Variants in KCNT1 observed in about 807,000 individuals in gnomAD.
KCNT1 encodes potassium channel subfamily T member 1.
In KCNT1, 78 loss-of-function variants were observed where a neutral mutation model predicts 147.8. The ratio of observed to expected loss-of-function variants is 0.53; its 90% CI spans 0.44 to 0.64. The LOEUF is 0.64. Ranked by LOEUF, KCNT1 falls within the 30% of genes least tolerant of loss-of-function variation. The pLI is 0.00. For missense variants in KCNT1, 1,419 were observed against 1,750.3 expected, an observed-to-expected ratio of 0.81 and a Z score of 3.38; for synonymous variants, 867 against 748.8, an observed-to-expected ratio of 1.16 and a Z score of -2.58.
At chr9:135,736,506 C>G (rs897623589) in intron 2 of KCNT1, 2 of 152,006 alleles carry the variant, frequency 1.3e-5, no homozygotes, top group Non-Finnish European at 2.9e-5. Flanking sequence ...AGCCCCCCAG[C>G]CCCGGCACCC....
intron 2 of KCNT1, among the ~76,000 whole-genome samples, chr9:135,715,550 A>AGGGCTCGGTCACCACCCAGCCCT (rs1554763511): frequency 6.7e-6 from 1 of 149,042 alleles, no homozygotes; most frequent in African/African-American, 2.5e-5. Flanking sequence ...CACTGTCTCC[A>AGGGCTCGGTCACCACCCAGCCCT]GGGCTCCGTC....
chr9:135,732,016 A>AGAGAGAGAGAGG (rs1836488831), intron 2 of KCNT1, among the ~76,000 whole-genome samples: 1 of 114,678 alleles, frequency 8.7e-6, no homozygotes, highest in African/African-American at 3.3e-5. Flanking sequence ...AGAGAGAGAG[A>AGAGAGAGAGAGG]GAGAGAGAGA....
In KCNT1 at chr9:135,714,747, T is replaced by C. The variant is rs777890219; in HGVS notation, c.254+27T>C. ...TAGGGACCGGGCGCGGGGTGGGGGC[T>C]GGGGTCGCCGTCCCGGCGCCGCCGC... On this transcript the variant is annotated intron_variant, in intron 2 of 30. Coordinates refer to ENST00000371757, the MANE Select transcript of KCNT1 (RefSeq NM_020822.3). This position sits in a 1 kb window ranked among gnomAD's most constrained non-coding sequence, Gnocchi z 6.2. The C allele has an allele frequency of 8.3e-7, 1 of 1,204,060 alleles. No individual in the cohort carries two copies. Among genetic ancestry groups the C allele is most frequent in the Non-Finnish European group, 1.1e-6 (1 of 947,558 alleles). The allele number at this position is 1,204,060 out of a possible 1,614,324, so 74.6% of individuals were successfully genotyped here. A position where few individuals can be genotyped will look rare whatever the true frequency, so the allele number is the denominator to read the frequency against.
At chr9:135,765,902 C>G (rs1832238754) in intron 13 of KCNT1, 142 bp downstream of exon 13, 2 of 813,974 alleles carry the variant, frequency 2.5e-6, no homozygotes, top group Admixed American at 2.6e-5. Context: ...GGTGGACCAT[C>G]TAGGTGGACT....
intron 10 of KCNT1, 115 bp from the exon 11 acceptor site, chr9:135,759,564 A>T: frequency 8.7e-7 from 1 of 1,149,068 alleles, no homozygotes; most frequent in Non-Finnish European, 1.2e-6. Flanking sequence ...TCGCCTGGTG[A>T]TGCACAGCTC....
At chr9:135,745,314 C>T (rs1013535291) in intron 2 of KCNT1, among the ~76,000 whole-genome samples, 1 of 152,164 alleles carries the variant, frequency 6.6e-6, no homozygotes, top group African/African-American at 2.4e-5. Flanking sequence ...TCAGGGCGTT[C>T]CACCGAGCCC....
chr9:135,768,748 G>T, intron 14 of KCNT1, 75 bp downstream of exon 14: 1 of 1,539,292 alleles, frequency 6.5e-7, no homozygotes, highest in African/African-American at 1.4e-5. Flanking sequence ...TGAGGGAAGA[G>T]ACCTGCCCCA....
chr9:135,702,350 AC>A lies in KCNT1; in HGVS notation c.93del (p.Asp31GlufsTer24). The A allele has an allele frequency of 1.2e-6, 2 of 1,611,022 alleles. No homozygotes were observed. Among genetic ancestry groups the A allele is most frequent in the Non-Finnish European group, 1.7e-6 (2 of 1,178,992 alleles). Reference protein sequence around the residue: ...GYTNRTFEFDDGQCAPRRPCA... With the variant: ...GYTNRTFEFDXGQCAPRRPCA... ...ACCAACCGGACCTTCGAGTTTGACG[AC>A]GGCCAATGCGCCCCCAGGTACAGTC... On this transcript the variant is annotated frameshift_variant, in exon 1 of 31. Transcript: ENST00000371757. LOFTEE classifies it high-confidence loss of function.
intron 30 of KCNT1, 78 bp from the exon 31 acceptor site, chr9:135,791,963 G>C (rs1033023590): frequency 9.3e-6 from 15 of 1,610,090 alleles, no homozygotes; most frequent in Non-Finnish European, 1.2e-5. Flanking sequence ...AGGCACCACA[G>C]TGGGGCCGCT....
At chr9:135,764,962 C>T (rs1440408854) in intron 11 of KCNT1, 69 bp from the exon 12 acceptor site, 1 of 1,521,806 alleles carries the variant, frequency 6.6e-7, no homozygotes, top group East Asian at 2.4e-5. Flanking sequence ...TGTCAGGGCC[C>T]AGGTTCTTCA....
At chr9:135,754,100 C>G in intron 5 of KCNT1, 107 bp downstream of exon 5, 1 of 1,027,108 alleles carries the variant, frequency 9.7e-7, no homozygotes, top group Non-Finnish European at 1.5e-6. Context: ...CGCTCAGAGG[C>G]CTGGGACCAG....
In KCNT1 at chr9:135,750,938, G is replaced by T; in HGVS notation, c.335-4G>T. 6 of 1,612,622 alleles carry T rather than the reference G, an allele frequency of 3.7e-6. No homozygotes were observed. The highest frequency in any genetic ancestry group is 1.1e-5 in the South Asian group (1 of 91,080). ...GAGCCCTGAGGCCGCTGCCCTCCCC[G>T]CAGGCCTGAGGATCCGGCTGTTCAA... On this transcript the variant is annotated splice_polypyrimidine_tract_variant and splice_region_variant and intron_variant, in intron 3 of 30. Transcript: ENST00000371757.
intron 2 of KCNT1, among the ~76,000 whole-genome samples, chr9:135,742,486 G>C (rs1423448770): frequency 6.6e-6 from 1 of 152,178 alleles, no homozygotes; most frequent in East Asian, 1.9e-4. Context: ...CTCCAAGCGG[G>C]CTGTGCTGCT....
chr9:135,776,037 G>A (rs1833147211), intron 20 of KCNT1, among the ~76,000 whole-genome samples: 1 of 152,080 alleles, frequency 6.6e-6, no homozygotes, highest in African/African-American at 2.4e-5. Context: ...TGCATGTGGG[G>A]CCAGCCCTCC....
chr9:135,710,472 C>T (rs1419941015), intron 1 of KCNT1, among the ~76,000 whole-genome samples: 1 of 152,228 alleles, frequency 6.6e-6, no homozygotes, highest in Non-Finnish European at 1.5e-5. Flanking sequence ...TGTCGCCCCT[C>T]CTGATATTTG....
intron 3 of KCNT1, 62 bp downstream of exon 3, chr9:135,750,239 G>A: frequency 7.3e-7 from 1 of 1,361,064 alleles, no homozygotes; most frequent in Admixed American, 1.7e-5. Flanking sequence ...CCGGGAGCAA[G>A]CCTGGCGATG....
In KCNT1 at chr9:135,714,773, A is replaced by T. The variant is rs1207637058; in HGVS notation, c.254+53A>T. 99 of 1,166,944 alleles carry T rather than the reference A, an allele frequency of 8.5e-5. No individual in the cohort carries two copies. Among genetic ancestry groups the T allele is most frequent in the Non-Finnish European group, 1.0e-4 (96 of 934,062 alleles). The allele number at this position is 1,166,944 out of a possible 1,614,324, so 72.3% of individuals were successfully genotyped here. ...GGGGTCGCCGTCCCGGCGCCGCCGC[A>T]CGCCCGGAGCTGTCCGCGGTGCTGA... On this transcript the variant is annotated intron_variant, in intron 2 of 30. Coordinates refer to ENST00000371757, the MANE Select transcript of KCNT1 (RefSeq NM_020822.3). The surrounding 1 kb of genome is among the most constrained non-coding windows in gnomAD (Gnocchi z 6.2).
intron 2 of KCNT1, among the ~76,000 whole-genome samples, chr9:135,744,024 G>A (rs1830687464): frequency 6.6e-6 from 1 of 152,220 alleles, no homozygotes; most frequent in South Asian, 2.1e-4. Context: ...GGCCTGCGTG[G>A]AGCTCCCAGG....
At chr9:135,705,826 C>T (rs1251575846) in intron 1 of KCNT1, among the ~76,000 whole-genome samples, 3 of 150,040 alleles carry the variant, frequency 2.0e-5, no homozygotes, top group African/African-American at 2.4e-5. Context: ...GGGCAGAGGC[C>T]GCGAGCTTCC....
Sources: gnomAD v4.1 joint callset for allele counts (sites outside exome capture counted in the v4.1 genomes callset) on GRCh38, gnomAD v4.1.1 for gene constraint, Gnocchi (gnomAD v3.1) non-coding constraint, MANE v1.5 for transcripts, NCBI Gene and HGNC (gene_info 2026-07-23, HGNC 2026-07-21) for gene names.